Variants in ZDHHC9 observed in about 807,000 individuals in gnomAD.
ZDHHC9 encodes zDHHC palmitoyltransferase 9.
Under a neutral mutation model 26.6 loss-of-function variants are expected in ZDHHC9, and 3 were observed. The observed-to-expected ratio is 0.11, with a 90% confidence interval of 0.05 to 0.29. ZDHHC9 has a LOEUF of 0.29. Among genes scored for constraint, ZDHHC9 ranks in the 10% least tolerant of loss-of-function variants. The pLI is 1.00. For missense variants in ZDHHC9, 146 were observed against 296.4 expected (o/e 0.49, Z 3.73); for synonymous variants, 111 against 109.4 (o/e 1.01, Z -0.09).
At chrX:129,816,461 G>A in intron 5 of ZDHHC9, among the ~76,000 whole-genome samples, 1 of 110,649 alleles carries the variant, frequency 9.0e-6, no homozygotes, top group Non-Finnish European at 1.9e-5. Flanking sequence ...TATTAAGTGG[G>A]CCCATGCAGT....
At chrX:129,832,379 C>T (rs948155316) in intron 3 of ZDHHC9, among the ~76,000 whole-genome samples, 2 of 111,079 alleles carry the variant, frequency 1.8e-5, no homozygotes, top group Non-Finnish European at 3.8e-5. Flanking sequence ...CAGGCACAGT[C>T]GCTCACACCT....
chrX:129,814,921 G>GTT lies in ZDHHC9; in HGVS notation c.488-128_488-127dup, dbSNP rs749489279. The GTT allele has an allele frequency of 4.0e-3, 2,181 of 551,435 alleles. 19 individuals are homozygous for GTT. The highest frequency in any genetic ancestry group is 0.027 in the African/African-American group (1,066 of 38,773). The allele number at this position is 551,435 out of a possible 1,213,427, so 45.4% of individuals were successfully genotyped here. A position where few individuals can be genotyped will look rare whatever the true frequency, so the allele number is the denominator to read the frequency against. On this transcript the variant is annotated intron_variant, in intron 5 of 10. Transcript: ENST00000357166. ...CTATTTCAGTTGTAAAAAATATAGGGTTTTTTTTTTTTTTTACTTTTTCAA... is the reference window on the plus strand; with the variant it reads ...CTATTTCAGTTGTAAAAAATATAGGGTTTTTTTTTTTTTTTTTACTTTTTCAA...
At chrX:129,833,602 A>C (rs1309196062) in intron 3 of ZDHHC9, among the ~76,000 whole-genome samples, 1 of 112,308 alleles carries the variant, frequency 8.9e-6, no homozygotes, top group Non-Finnish European at 1.9e-5. Flanking sequence ...TTCTTTTATC[A>C]ATGTAATCAG....
At chrX:129,841,128 C>G (rs894486182) in intron 3 of ZDHHC9, among the ~76,000 whole-genome samples, 1 of 111,788 alleles carries the variant, frequency 8.9e-6, no homozygotes, top group African/African-American at 3.3e-5. Flanking sequence ...AGACTTCAAA[C>G]AGTGGCTCGA....
At chrX:129,834,677 G>A (rs756291259) in intron 3 of ZDHHC9, among the ~76,000 whole-genome samples, 1 of 111,677 alleles carries the variant, frequency 9.0e-6, no homozygotes, top group Non-Finnish European at 1.9e-5. Flanking sequence ...CGAGAACTTA[G>A]AACCATTCAC....
At chrX:129,806,815 C>A (rs1270003706) in intron 10 of ZDHHC9, among the ~76,000 whole-genome samples, 2 of 111,902 alleles carry the variant, frequency 1.8e-5, no homozygotes, top group African/African-American at 6.5e-5. Context: ...TGTAACAAGG[C>A]CTGACCCAAT....
chrX:129,818,253 C>T (rs1170415350), intron 5 of ZDHHC9, among the ~76,000 whole-genome samples: 2 of 111,886 alleles, frequency 1.8e-5, no homozygotes, highest in Non-Finnish European at 3.8e-5. Context: ...CATCCCTTCT[C>T]GCACCTCTAT....
At chrX:129,834,131 C>T (rs1444206387) in intron 3 of ZDHHC9, among the ~76,000 whole-genome samples, 1 of 111,573 alleles carries the variant, frequency 9.0e-6, no homozygotes, top group East Asian at 2.8e-4. Context: ...TGGCAAGCTC[C>T]CTTGCCCCTT....
At chrX:129,806,938 C>T (rs147271596) in intron 10 of ZDHHC9, among the ~76,000 whole-genome samples, 6,705 of 110,999 alleles carry the variant, frequency 0.06, 507 homozygotes, top group African/African-American at 0.21. Context: ...TGAAAATGTC[C>T]CCAAGTGATT....
At chrX:129,828,009 G>A (rs1399603615) in intron 4 of ZDHHC9, among the ~76,000 whole-genome samples, 1 of 110,505 alleles carries the variant, frequency 9.0e-6, no homozygotes, top group Non-Finnish European at 1.9e-5. Context: ...TAGAGACAGG[G>A]CTTCACCATG....
chrX:129,821,296 C>A (rs1046742342), intron 5 of ZDHHC9, among the ~76,000 whole-genome samples: 39 of 99,399 alleles, frequency 3.9e-4, no homozygotes, highest in Non-Finnish European at 4.7e-4. Flanking sequence ...AGACCTTCTT[C>A]TTTTTTTTTT....
chrX:129,829,125 C>G lies in ZDHHC9; in HGVS notation c.184G>C (p.Val62Leu). The change falls in exon 4 of 11, where the codon GTT becomes CTT. Residue 62 changes from valine to leucine, a missense_variant. Physicochemically the swap from Val to Leu is conservative, Grantham distance 32. Around this residue, in one of 2 missense-constraint regions of ZDHHC9, gnomAD observed 100 missense variants for 250.0 expected, o/e 0.40. Transcript: ENST00000357166. ...ACAGGGATGGCAGGAGACAGCTGAA[C>G]AGCCAGGTAGCGGCACCTGAAGAAA... ...FFAFECRYLA[V>L]QLSPAIPVFA... is the part of the protein sequence containing the mutation. 4 of 1,211,665 alleles carry G rather than the reference C, an allele frequency of 3.3e-6. No homozygotes were observed. The highest frequency in any genetic ancestry group is 4.5e-6 in the Non-Finnish European group (4 of 895,512).
Position 129,804,687 on chromosome X carries a change from T to A in ZDHHC9, c.*1683A>T, listed in dbSNP as rs970762938. 8.9e-6 allele frequency: 1 copy of A among 111,885 alleles called. No homozygotes were observed. Among genetic ancestry groups the A allele is most frequent in the African/African-American group, 3.3e-5 (1 of 30,744 alleles). The allele number at this position is 111,885 out of a possible 1,213,427, so 9.2% of individuals were successfully genotyped here. A position where few individuals can be genotyped will look rare whatever the true frequency, so the allele number is the denominator to read the frequency against. On this transcript the variant is annotated 3_prime_UTR_variant, in exon 11 of 11. Transcript: ENST00000357166. ...AGCTTGTTCTCTTAAGTAAATATAA[T>A]CCCTCTACCTTCCTGATCCTGTTCA...
chrX:129,842,483 C>G (rs1411598547), intron 2 of ZDHHC9, among the ~76,000 whole-genome samples: 2 of 112,917 alleles, frequency 1.8e-5, no homozygotes, highest in African/African-American at 6.4e-5. Context: ...AACTTCCAGT[C>G]AAGGGCATGT....
intron 3 of ZDHHC9, among the ~76,000 whole-genome samples, chrX:129,837,557 T>G (rs1702804166): frequency 8.9e-6 from 1 of 112,542 alleles, no homozygotes; most frequent in Non-Finnish European, 1.9e-5. Context: ...AAAGCTGTTT[T>G]CAGTTCATCC....
intron 3 of ZDHHC9, among the ~76,000 whole-genome samples, chrX:129,840,641 C>T (rs1014760027): frequency 5.4e-5 from 6 of 111,233 alleles, no homozygotes; most frequent in African/African-American, 2.0e-4. Context: ...ACAAAGAGTT[C>T]CTCTGACCTT....
intron 4 of ZDHHC9, among the ~76,000 whole-genome samples, chrX:129,826,360 C>A (rs958710551): frequency 2.6e-4 from 29 of 111,419 alleles, no homozygotes; most frequent in Non-Finnish European, 3.8e-5. Context: ...CCACAGCATA[C>A]CCAGTACAGG....
intron 7 of ZDHHC9, among the ~76,000 whole-genome samples, chrX:129,813,267 C>T (rs1265744506): frequency 2.7e-5 from 3 of 111,870 alleles, no homozygotes; most frequent in Non-Finnish European, 5.6e-5. Flanking sequence ...GGCGTGGTGG[C>T]GGGCATCTGT....
At chrX:129,835,944 C>A (rs1391631706) in intron 3 of ZDHHC9, among the ~76,000 whole-genome samples, 1 of 112,406 alleles carries the variant, frequency 8.9e-6, no homozygotes, top group Non-Finnish European at 1.9e-5. Flanking sequence ...GGCAACTATG[C>A]CTTTCTAAAA....
Sources: allele counts gnomAD v4.1 joint callset (sites outside exome capture counted in the v4.1 genomes callset), GRCh38; gene constraint gnomAD v4.1.1; regional missense constraint gnomAD v4.1.1; transcripts MANE v1.5; gene names NCBI Gene and HGNC (gene_info 2026-07-23, HGNC 2026-07-21).